Variants in COL23A1 observed in about 807,000 individuals in gnomAD.
The protein encoded by COL23A1 is collagen type XXIII alpha 1 chain.
A neutral mutation model predicts 99.3 loss-of-function variants in COL23A1; 97 were observed. The observed-to-expected ratio is 0.98, with a 90% CI of 0.83 to 1.16. The LOEUF (loss-of-function observed/expected upper bound fraction) is 1.16, where lower values mean the gene tolerates loss of function less well. Among genes scored for constraint, COL23A1 ranks in the 50% most tolerant of loss-of-function variants. The probability of loss-of-function intolerance (pLI) is 0.00; values close to 1 mark genes in which losing one functional copy is unlikely to be tolerated. For missense variants in COL23A1, 762 were observed against 757.4 expected (o/e 1.01, Z -0.07); for synonymous variants, 320 against 308.2 (o/e 1.04, Z -0.40).
chr5:178,314,976 G>A (rs577789473), intron 2 of COL23A1, among the ~76,000 whole-genome samples: 3 of 152,268 alleles, frequency 2.0e-5, no homozygotes, highest in South Asian at 4.1e-4. Context: ...CATTTGTTAA[G>A]CTGCCCAGGA....
At chr5:178,538,052 T>C (rs1264002342) in intron 2 of COL23A1, among the ~76,000 whole-genome samples, 1 of 152,252 alleles carries the variant, frequency 6.6e-6, no homozygotes, top group East Asian at 1.9e-4. Context: ...CCTTCCTTTC[T>C]GAGGCTGAAT....
chr5:178,268,849 C>T, intron 6 of COL23A1, 93 bp from the exon 7 acceptor site: 2 of 1,332,956 alleles, frequency 1.5e-6, no homozygotes, highest in Non-Finnish European at 2.1e-6. Flanking sequence ...GGCAGAAGGG[C>T]CCGTGATGCT....
At position 178,255,410 on chromosome 5, in the gene COL23A1, G is replaced by A. The variant is rs368533510; in HGVS notation, c.883-384C>T. Among the ~76,000 whole-genome samples, 113 of 152,278 alleles carry A rather than the reference G, an allele frequency of 7.4e-4. No homozygotes were observed. Among genetic ancestry groups the A allele is most frequent in the African/African-American group, 2.5e-3 (102 of 41,558 alleles). ...CATGAGCAGGCTGGATCTGGCCCCC[G>A]TGCCTCCATTTCCCAGCCTCTGGGA... On this transcript the variant is annotated intron_variant, in intron 15 of 28. Coordinates refer to ENST00000390654, the MANE Select transcript of COL23A1 (RefSeq NM_173465.4). The surrounding 1 kb of genome is among the most constrained non-coding windows in gnomAD (Gnocchi z 4.2).
chr5:178,457,944 G>C (rs1288032401), intron 2 of COL23A1, among the ~76,000 whole-genome samples: 1 of 152,176 alleles, frequency 6.6e-6, no homozygotes, highest in Non-Finnish European at 1.5e-5. Flanking sequence ...AATAACTAAT[G>C]AGTTTCAATG....
At position 178,521,031 on chromosome 5, in the gene COL23A1, T is replaced by C. The variant is rs117306221; in HGVS notation, c.361+39651A>G. ...TGGCAGAGCCTACTACACACTGGGC[T>C]ACGTGGTGTAGCCTATTGCCCCCAG... On this transcript the variant is annotated intron_variant, in intron 2 of 28. Transcript: ENST00000390654. 2.4e-3 allele frequency among the ~76,000 whole-genome samples: 360 copies of C among 152,322 alleles called. 2 individuals carry two copies. In the East Asian group the frequency reaches 0.032, roughly 14 times the overall value.
chr5:178,243,314 C>T (rs1764508288), intron 25 of COL23A1, among the ~76,000 whole-genome samples: 1 of 151,834 alleles, frequency 6.6e-6, no homozygotes, highest in African/African-American at 2.4e-5. Context: ...ACAGTGAAAC[C>T]CCATCTCTCC....
intron 2 of COL23A1, among the ~76,000 whole-genome samples, chr5:178,450,268 T>C (rs1767410581): frequency 6.6e-6 from 1 of 151,358 alleles, no homozygotes; most frequent in Non-Finnish European, 1.5e-5. Context: ...GTTTTCCCCT[T>C]CTTCTATGGT....
At chr5:178,288,205 C>T in intron 5 of COL23A1, 119 bp downstream of exon 5, 2 of 938,018 alleles carry the variant, frequency 2.1e-6, no homozygotes, top group South Asian at 2.6e-5. Context: ...ACAGAAAGAC[C>T]ACGGCTGCTG....
intron 2 of COL23A1, among the ~76,000 whole-genome samples, chr5:178,326,920 A>T (rs6870190): frequency 4.6e-5 from 7 of 152,156 alleles, no homozygotes; most frequent in African/African-American, 1.7e-4. Flanking sequence ...GGGTTTCACC[A>T]TGCTGGTCAG....
intron 2 of COL23A1, among the ~76,000 whole-genome samples, chr5:178,462,554 G>C (rs1391689525): frequency 6.6e-6 from 1 of 152,136 alleles, no homozygotes; most frequent in Non-Finnish European, 1.5e-5. Flanking sequence ...CACCCCCATT[G>C]AGTAATCCCC....
Position 178,549,718 on chromosome 5 carries a change from G to A in COL23A1, c.361+10964C>T, listed in dbSNP as rs577245653. ...TAATCCCAGCTACGTGAGAAGCTGA[G>A]GCAGGAGAATCGCTTGAATCCGGGA... is the stretch of plus-strand genomic sequence containing the variant. On this transcript the variant is annotated intron_variant, in intron 2 of 28. Coordinates refer to ENST00000390654, the MANE Select transcript of COL23A1 (RefSeq NM_173465.4). Among the ~76,000 whole-genome samples, 179 of 152,304 alleles carry A rather than the reference G, an allele frequency of 1.2e-3. 1 individual carries two copies. Among genetic ancestry groups the A allele is most frequent in the African/African-American group, 4.1e-3 (169 of 41,550 alleles).
intron 2 of COL23A1, among the ~76,000 whole-genome samples, chr5:178,325,599 G>A (rs1423057681): frequency 6.6e-6 from 1 of 151,832 alleles, no homozygotes; most frequent in African/African-American, 2.4e-5. Flanking sequence ...GAATCCACTT[G>A]CTACAGTGAT....
At chr5:178,477,950 G>A (rs961873839) in intron 2 of COL23A1, among the ~76,000 whole-genome samples, 1 of 152,224 alleles carries the variant, frequency 6.6e-6, no homozygotes, top group African/African-American at 2.4e-5. Context: ...GAGAAGGCAG[G>A]TGCCAGTTAT....
chr5:178,299,222 T>C (rs531878243), intron 3 of COL23A1, among the ~76,000 whole-genome samples: 2 of 152,356 alleles, frequency 1.3e-5, no homozygotes, highest in South Asian at 2.1e-4. Flanking sequence ...TTGTGAAAGA[T>C]TGTTATTAAT....
chr5:178,312,499 A>AG (rs1424855925), intron 2 of COL23A1, among the ~76,000 whole-genome samples: 3 of 152,140 alleles, frequency 2.0e-5, no homozygotes, highest in African/African-American at 4.8e-5. Context: ...TCAACTCCAA[A>AG]GGGGGGCCTC....
chr5:178,391,347 C>T lies in COL23A1; in HGVS notation c.362-84428G>A, dbSNP rs750753963. On this transcript the variant is annotated intron_variant, in intron 2 of 28. Coordinates refer to ENST00000390654, the MANE Select transcript of COL23A1 (RefSeq NM_173465.4). ...AGAAAATATTTGCAAATCATATATC[C>T]GATAAGGGACCTGTAACTATAATAC... Among the ~76,000 whole-genome samples the T allele has an allele frequency of 2.1e-4, 32 of 152,108 alleles. 1 individual carries two copies. Among genetic ancestry groups the T allele is most frequent in the African/African-American group, 6.8e-4 (28 of 41,402 alleles).
At chr5:178,249,716 A>ACACTCTCTCTCTCTCTCT in intron 18 of COL23A1, among the ~76,000 whole-genome samples, 7 of 92,808 alleles carry the variant, frequency 7.5e-5, no homozygotes, top group South Asian at 8.4e-4. Flanking sequence ...ACACACACAC[A>ACACTCTCTCTCTCTCTCT]CTCTCTCTCT....
chr5:178,421,108 G>T (rs11956401), intron 2 of COL23A1, among the ~76,000 whole-genome samples: 3 of 151,914 alleles, frequency 2.0e-5, no homozygotes, highest in Non-Finnish European at 2.9e-5. Flanking sequence ...CTGGTCTGGG[G>T]AAAAAGGTTC....
chr5:178,420,965 G>A (rs377276530), intron 2 of COL23A1, among the ~76,000 whole-genome samples: 1 of 149,094 alleles, frequency 6.7e-6, no homozygotes, highest in African/African-American at 2.4e-5. Context: ...TCCCTGGCGT[G>A]GGGGGGTCAC....
Sources: gnomAD v4.1 joint callset for allele counts (sites outside exome capture counted in the v4.1 genomes callset) on GRCh38, gnomAD v4.1.1 for gene constraint, Gnocchi (gnomAD v3.1) non-coding constraint, MANE v1.5 for transcripts, NCBI Gene and HGNC (gene_info 2026-07-23, HGNC 2026-07-21) for gene names.